The following NEK4 variants were observed in gnomAD, a reference collection of about 807,000 sequenced individuals.
NEK4 encodes the protein NIMA related kinase 4.
NEK4 carries 86 observed loss-of-function variants against 98.4 expected under a neutral mutation model. That is an observed-to-expected ratio of 0.87 (90% CI 0.73 to 1.05). NEK4 has a LOEUF of 1.05. NEK4 is among the 50% of genes least tolerant of loss of function. NEK4 has a pLI of 0.00. For synonymous variants in NEK4, 328 were observed against 342.2 expected (o/e 0.96, Z 0.46); for missense variants, 898 against 950.3 (o/e 0.94, Z 0.72).
intron 4 of NEK4, among the ~76,000 whole-genome samples, chr3:52,765,348 T>C (rs1238432851): frequency 1.5e-5 from 2 of 135,174 alleles, no homozygotes; most frequent in Non-Finnish European, 3.1e-5. Context: ...CAAAACTCCA[T>C]CTCAAAAAAA....
intron 12 of NEK4, among the ~76,000 whole-genome samples, chr3:52,742,699 C>A (rs1055994787): frequency 6.6e-6 from 1 of 152,174 alleles, no homozygotes; most frequent in African/African-American, 2.4e-5. Flanking sequence ...TCAAATCTGG[C>A]GACACAGATG....
At chr3:52,761,006 G>A in intron 5 of NEK4, 70 bp from the exon 6 acceptor site, 2 of 990,798 alleles carry the variant, frequency 2.0e-6, no homozygotes, top group Non-Finnish European at 1.5e-6. Flanking sequence ...GTATATGTGG[G>A]AGTGTGTGTA....
At chr3:52,741,150 G>A (rs1217786173) in intron 13 of NEK4, among the ~76,000 whole-genome samples, 7 of 151,240 alleles carry the variant, frequency 4.6e-5, no homozygotes, top group African/African-American at 9.7e-5. Flanking sequence ...TCAGGAGAAC[G>A]GTGTGAACCC....
At chr3:52,751,621 CA>C (rs367696490) in intron 7 of NEK4, among the ~76,000 whole-genome samples, 6,917 of 137,284 alleles carry the variant, frequency 0.05, 309 homozygotes, top group African/African-American at 0.12. Flanking sequence ...AACTCTGTCT[CA>C]AAAAAAAAAA....
At chr3:52,758,200 A>AAAAG in intron 6 of NEK4, among the ~76,000 whole-genome samples, 1 of 150,044 alleles carries the variant, frequency 6.7e-6, no homozygotes, top group East Asian at 1.9e-4. Flanking sequence ...AAAAAAAAAA[A>AAAAG]AAAGAAAGAA....
intron 15 of NEK4, among the ~76,000 whole-genome samples, chr3:52,718,557 C>T (rs191801346): frequency 2.0e-5 from 3 of 151,920 alleles, no homozygotes; most frequent in Non-Finnish European, 2.9e-5. Flanking sequence ...AGTTCAACTA[C>T]GTGCTTAGAA....
intron 15 of NEK4, chr3:52,734,940 G>T (rs1254025718): frequency 9.4e-6 from 2 of 212,720 alleles, no homozygotes; most frequent in South Asian, 6.9e-5. Flanking sequence ...ACATTCTCCA[G>T]AACAGAAACC....
At chr3:52,717,975 G>T (rs781143461) in intron 15 of NEK4, among the ~76,000 whole-genome samples, 2 of 151,648 alleles carry the variant, frequency 1.3e-5, no homozygotes, top group Non-Finnish European at 2.9e-5. Context: ...TGTATTTTTA[G>T]TAGAGACGGG....
intron 15 of NEK4, among the ~76,000 whole-genome samples, chr3:52,716,359 C>T (rs1204605046): frequency 1.3e-5 from 2 of 152,174 alleles, no homozygotes; most frequent in Non-Finnish European, 2.9e-5. Context: ...AAAGGAGTCA[C>T]TCATGCTCAC....
intron 8 of NEK4, among the ~76,000 whole-genome samples, 155 bp downstream of exon 8, chr3:52,749,537 T>C (rs1003863430): frequency 2.6e-5 from 4 of 151,660 alleles, no homozygotes; most frequent in South Asian, 4.2e-4. Context: ...CCAAAGTATA[T>C]AAAAAGATGC....
intron 15 of NEK4, among the ~76,000 whole-genome samples, chr3:52,728,731 A>G (rs2097366823): frequency 6.6e-6 from 1 of 152,204 alleles, no homozygotes; most frequent in Non-Finnish European, 1.5e-5. Flanking sequence ...CTATAAACAG[A>G]CATGCAAGTA....
intron 14 of NEK4, among the ~76,000 whole-genome samples, 185 bp from the exon 15 acceptor site, chr3:52,737,904 C>G (rs11130326): frequency 0.39 from 59,873 of 152,006 alleles, 12,182 homozygotes; most frequent in Admixed American, 0.5. Context: ...AGCTCCACCC[C>G]CTAGGTTCAT....
intron 2 of NEK4, among the ~76,000 whole-genome samples, chr3:52,766,724 C>T (rs997215514): frequency 1.3e-5 from 2 of 152,334 alleles, no homozygotes; most frequent in South Asian, 4.1e-4. Context: ...CAGTGGCTCA[C>T]GCCTGTAATC....
chr3:52,752,020 A>G lies in NEK4; in HGVS notation c.1280T>C (p.Met427Thr), dbSNP rs748209627. The G allele has an allele frequency of 3.7e-6, 6 of 1,614,186 alleles. No individual in the cohort carries two copies. In the Admixed American group the frequency reaches 5.0e-5, roughly 13 times the overall value. The change falls in exon 7 of 16, where the codon ATG (methionine) becomes ACG (threonine). Residue 427 changes from methionine to threonine, a missense_variant. Physicochemically the swap from Met to Thr is moderately conservative, Grantham distance 81. Transcript: ENST00000233027. ...SSAQPENLIPMWSSDIVTGEK... is the reference protein window; with the variant it reads ...SSAQPENLIPTWSSDIVTGEK... ...CCCAGTGACAATGTCAGAGGACCAC[A>G]TGGGAATCAGGTTTTCAGGCTGGGC... is the stretch of plus-strand genomic sequence containing the variant.
In NEK4 at chr3:52,760,756, G is replaced by A. The variant is rs544338490; in HGVS notation, c.963+39C>T. Reference sequence around the variant, plus strand: ...GCTTAGATGGCCCATTTTTCTAAGTGCAGTTTCTAAAACACATACCCTTTA... The same window carrying A: ...GCTTAGATGGCCCATTTTTCTAAGTACAGTTTCTAAAACACATACCCTTTA... On this transcript the variant is annotated intron_variant, in intron 6 of 15. Transcript: ENST00000233027. 5.4e-6 allele frequency: 8 copies of A among 1,482,410 alleles called. No homozygotes were observed. The Admixed American group carries it at 1.0e-4, about 19-fold the overall frequency. The allele number at this position is 1,482,410 out of a possible 1,614,324, so 91.8% of individuals were successfully genotyped here. A position where few individuals can be genotyped will look rare whatever the true frequency, so the allele number is the denominator to read the frequency against.
intron 15 of NEK4, among the ~76,000 whole-genome samples, chr3:52,712,998 T>G (rs556109061): frequency 3.9e-5 from 6 of 152,304 alleles, no homozygotes; most frequent in Non-Finnish European, 7.3e-5. Context: ...TGTTCTCGCC[T>G]AGGTCCATGG....
At chr3:52,722,126 A>G (rs2097360652) in intron 15 of NEK4, among the ~76,000 whole-genome samples, 1 of 152,202 alleles carries the variant, frequency 6.6e-6, no homozygotes, top group Non-Finnish European at 1.5e-5. Flanking sequence ...TTCTGAGCCC[A>G]TAAAAAGCCC....
At chr3:52,724,245 A>G (rs532264561) in intron 15 of NEK4, among the ~76,000 whole-genome samples, 2 of 152,058 alleles carry the variant, frequency 1.3e-5, no homozygotes, top group South Asian at 4.1e-4. Context: ...ACACACACAC[A>G]CACACACACA....
intron 11 of NEK4, among the ~76,000 whole-genome samples, chr3:52,743,664 T>G (rs2097390641): frequency 6.6e-6 from 1 of 152,216 alleles, no homozygotes; most frequent in African/African-American, 2.4e-5. Context: ...GGCAAGTTAC[T>G]TAACTCCTCA....
Sources: allele counts gnomAD v4.1 joint callset (sites outside exome capture counted in the v4.1 genomes callset), GRCh38; gene constraint gnomAD v4.1.1; transcripts MANE v1.5; gene names NCBI Gene and HGNC (gene_info 2026-07-23, HGNC 2026-07-21).